The following EYS variants were observed in gnomAD, a reference collection of about 807,000 sequenced individuals.
EYS encodes protein eyes shut homolog.
Under a neutral mutation model 282.1 loss-of-function variants are expected in EYS, and 250 were observed. The observed-to-expected ratio is 0.89, with a 90% CI of 0.80 to 0.98. The LOEUF is 0.98. Ranked by LOEUF, EYS falls within the 50% of genes least tolerant of loss-of-function variation. The probability of loss-of-function intolerance (pLI) is 0.00; values close to 1 mark genes in which losing one functional copy is unlikely to be tolerated. For missense variants in EYS, 4,016 were observed against 3,709.0 expected (o/e 1.08, Z -2.15); for synonymous variants, 1,355 against 1,282.9 (o/e 1.06, Z -1.20).
intron 14 of EYS, among the ~76,000 whole-genome samples, chr6:64,981,815 A>G (rs1378647078): frequency 1.3e-5 from 2 of 151,476 alleles, no homozygotes; most frequent in African/African-American, 2.4e-5. Context: ...GAAGGGAATA[A>G]TTGGATACAA....
chr6:63,847,257 C>T (rs1325258032), intron 36 of EYS, among the ~76,000 whole-genome samples: 1 of 152,174 alleles, frequency 6.6e-6, no homozygotes, highest in Non-Finnish European at 1.5e-5. Flanking sequence ...GTGTGGAACA[C>T]TCAACATTGT....
At chr6:64,334,374 T>G (rs984508104) in intron 29 of EYS, among the ~76,000 whole-genome samples, 2 of 152,010 alleles carry the variant, frequency 1.3e-5, no homozygotes, top group African/African-American at 4.8e-5. Flanking sequence ...CGGGCTATGA[T>G]GAAGGTGGAA....
chr6:64,502,365 C>T (rs1453527930), intron 26 of EYS, among the ~76,000 whole-genome samples: 7 of 151,978 alleles, frequency 4.6e-5, no homozygotes, highest in African/African-American at 7.2e-5. Context: ...CTCAGCCTCC[C>T]GAGTAGCTAG....
chr6:64,021,855 A>AAACAT (rs1769208376), intron 33 of EYS, among the ~76,000 whole-genome samples: 1 of 152,214 alleles, frequency 6.6e-6, no homozygotes, highest in African/African-American at 2.4e-5. Context: ...ACATGCACAG[A>AAACAT]AACATACTAT....
In EYS at chr6:65,518,069, A is replaced by C. The variant is rs993463997; in HGVS notation, c.-332-22076T>G. 5.1e-4 allele frequency among the ~76,000 whole-genome samples: 78 copies of C among 152,112 alleles called. 1 individual carries two copies. The highest frequency in any genetic ancestry group is 1.8e-3 in the African/African-American group (73 of 41,438). On this transcript the variant is annotated intron_variant, in intron 2 of 42. Transcript: ENST00000503581. ...ATTATCTAAATCTCACAACAGCTTTAAGAGGTAACATTATTACCTCTATTT... is the reference window on the plus strand; with the variant it reads ...ATTATCTAAATCTCACAACAGCTTTCAGAGGTAACATTATTACCTCTATTT...
intron 12 of EYS, among the ~76,000 whole-genome samples, chr6:65,115,310 G>A (rs1344518179): frequency 6.6e-6 from 1 of 151,924 alleles, no homozygotes; most frequent in Non-Finnish European, 1.5e-5. Flanking sequence ...ATGACCTAAT[G>A]TATATGTGCC....
intron 33 of EYS, among the ~76,000 whole-genome samples, chr6:64,002,303 C>G (rs143740368): frequency 6.6e-6 from 1 of 152,184 alleles, no homozygotes; most frequent in East Asian, 1.9e-4. Context: ...CTCAATAAAA[C>G]CTTGCACTCT....
intron 12 of EYS, among the ~76,000 whole-genome samples, chr6:65,236,167 T>A (rs1766917678): frequency 6.6e-6 from 1 of 152,150 alleles, no homozygotes; most frequent in South Asian, 2.1e-4. Context: ...GAAAAATATC[T>A]TGAGGATCCT....
intron 15 of EYS, among the ~76,000 whole-genome samples, chr6:64,938,570 A>T (rs537126854): frequency 6.6e-6 from 1 of 151,826 alleles, no homozygotes; most frequent in African/African-American, 2.4e-5. Flanking sequence ...CATTAAGTAG[A>T]AACTACACTT....
chr6:64,625,816 G>C (rs16895609), intron 23 of EYS, among the ~76,000 whole-genome samples: 7,169 of 152,236 alleles, frequency 0.047, 207 homozygotes, highest in Middle Eastern at 0.078. Flanking sequence ...CTGTGTGCCA[G>C]GCATAATTGA....
chr6:64,245,716 AT>A (rs1336266123), intron 30 of EYS, among the ~76,000 whole-genome samples: 1 of 152,054 alleles, frequency 6.6e-6, no homozygotes, highest in Non-Finnish European at 1.5e-5. Context: ...TTGGAACTTT[AT>A]CTGTGAGAAA....
chr6:65,467,791 T>C (rs1044737113), intron 5 of EYS, among the ~76,000 whole-genome samples: 13 of 152,074 alleles, frequency 8.5e-5, no homozygotes. Context: ...TGGGGGTAAT[T>C]GTCCAGACAA....
At chr6:64,100,679 T>C (rs1455096358) in intron 31 of EYS, among the ~76,000 whole-genome samples, 3 of 152,186 alleles carry the variant, frequency 2.0e-5, no homozygotes, top group Non-Finnish European at 2.9e-5. Context: ...GACACTTTCA[T>C]ACTGGCACTT....
chr6:64,394,434 T>C (rs1773283180), intron 28 of EYS, among the ~76,000 whole-genome samples: 1 of 152,030 alleles, frequency 6.6e-6, no homozygotes, highest in Non-Finnish European at 1.5e-5. Context: ...CAAACAGAGA[T>C]ATAGATCAAT....
In EYS at chr6:64,081,951, G is replaced by A. The variant is rs1033509618; in HGVS notation, c.6476C>T (p.Pro2159Leu). The A allele has an allele frequency of 1.3e-6, 2 of 1,545,098 alleles. No individual in the cohort carries two copies. The highest frequency in any genetic ancestry group is 1.4e-5 in the African/African-American group (1 of 72,802). ...CTTCTCCAGGACAAACTTCAAAAAG[G>A]GCAGTTCTAAATAGGAATTCCCATT... ...SFNGNSYLELPFLKFVLEKEH... is the reference protein window; with the variant it reads ...SFNGNSYLELLFLKFVLEKEH... The change falls in exon 32 of 43, where the codon CCC (proline) becomes CTC (leucine). Residue 2159 changes from proline to leucine, a missense_variant. Coordinates refer to ENST00000503581, the MANE Select transcript of EYS (RefSeq NM_001142800.2).
At chr6:63,816,282 C>T (rs1229234727) in intron 36 of EYS, among the ~76,000 whole-genome samples, 1 of 152,046 alleles carries the variant, frequency 6.6e-6, no homozygotes, top group African/African-American at 2.4e-5. Context: ...CTATCTCAAA[C>T]TATAATGGAG....
At chr6:65,704,286 C>T (rs954729798) in intron 1 of EYS, among the ~76,000 whole-genome samples, 1 of 152,162 alleles carries the variant, frequency 6.6e-6, no homozygotes, top group Non-Finnish European at 1.5e-5. Context: ...GAGATGTGTA[C>T]TATTGTCTCC....
Position 65,659,748 on chromosome 6 carries a change from T to C in EYS, c.-447-19856A>G, listed in dbSNP as rs59017172. Among the ~76,000 whole-genome samples the C allele has an allele frequency of 2.0e-5, 3 of 151,948 alleles. No individual in the cohort carries two copies. The East Asian group carries it at 5.8e-4, about 29-fold the overall frequency. On this transcript the variant is annotated intron_variant, in intron 1 of 42. Transcript: ENST00000503581. ...AAACATTAGAATTTTCAAACAAATT[T>C]ACTAATTTTATGAACTTACTATTTT...
chr6:64,749,878 C>T (rs1045768427), intron 22 of EYS, among the ~76,000 whole-genome samples: 14 of 151,758 alleles, frequency 9.2e-5, no homozygotes, highest in Admixed American at 2.6e-4. Context: ...GAGGCTAGTA[C>T]GTAATATATA....
Sources: gnomAD v4.1 joint callset for allele counts (sites outside exome capture counted in the v4.1 genomes callset) on GRCh38, gnomAD v4.1.1 for gene constraint, MANE v1.5 for transcripts, NCBI Gene and HGNC (gene_info 2026-07-23, HGNC 2026-07-21) for gene names.